The following TAF13 variants were observed in gnomAD, a reference collection of about 807,000 sequenced individuals.
TAF13 encodes transcription initiation factor TFIID subunit 13.
In TAF13, 9 loss-of-function variants were observed where a neutral mutation model predicts 18.7. That is an observed-to-expected ratio of 0.48 (90% confidence interval 0.29 to 0.84). The LOEUF (loss-of-function observed/expected upper bound fraction) is 0.84. Ranked by LOEUF, TAF13 falls within the 40% of genes least tolerant of loss-of-function variation. The pLI, the probability that TAF13 is intolerant of heterozygous loss-of-function variation, is 0.08. For synonymous variants in TAF13, 49 were observed against 44.1 expected, an observed-to-expected ratio of 1.11 and a Z score of -0.44; for missense variants, 105 against 146.5, an observed-to-expected ratio of 0.72 and a Z score of 1.46.
chr1:109,073,975 G>T (rs373906478), intron 2 of TAF13, among the ~76,000 whole-genome samples: 1 of 151,882 alleles, frequency 6.6e-6, no homozygotes, highest in Admixed American at 6.6e-5. Flanking sequence ...GCCTCTGCCC[G>T]GCCACGACCC....
intron 2 of TAF13, among the ~76,000 whole-genome samples, chr1:109,066,905 G>A (rs1663960185): frequency 6.6e-6 from 1 of 151,906 alleles, no homozygotes; most frequent in South Asian, 2.1e-4. Flanking sequence ...ATTTTTAGTA[G>A]AGAAGGGGTT....
chr1:109,067,483 G>A (rs987516635), intron 2 of TAF13, among the ~76,000 whole-genome samples: 1 of 151,586 alleles, frequency 6.6e-6, no homozygotes, highest in Admixed American at 6.6e-5. Context: ...GTTGGCACAT[G>A]CCTATAATCC....
At chr1:109,073,639 T>C (rs751812449) in intron 2 of TAF13, among the ~76,000 whole-genome samples, 6 of 152,202 alleles carry the variant, frequency 3.9e-5, no homozygotes, top group Non-Finnish European at 8.8e-5. Flanking sequence ...GGTGCCGGGA[T>C]TCCAGACGGA....
At chr1:109,070,999 G>A (rs1484842489) in intron 2 of TAF13, among the ~76,000 whole-genome samples, 2 of 152,114 alleles carry the variant, frequency 1.3e-5, no homozygotes, top group South Asian at 2.1e-4. Context: ...AAAGGATTTG[G>A]ATGTTTAAAA....
chr1:109,071,954 G>GAAAAAAAA lies in TAF13; in HGVS notation c.106+3032_106+3033insTTTTTTTT, dbSNP rs1171636503. 1.4e-3 allele frequency among the ~76,000 whole-genome samples: 58 copies of GAAAAAAAA among 40,438 alleles called. 2 individuals are homozygous for GAAAAAAAA. The highest frequency in any genetic ancestry group is 0.025 in the Middle Eastern group (2 of 80). The allele number at this position is 40,438 out of a possible 152,430, so 26.5% of individuals were successfully genotyped here. On this transcript the variant is annotated intron_variant, in intron 2 of 3. Coordinates refer to ENST00000338366, the MANE Select transcript of TAF13 (RefSeq NM_005645.4). ...CAACAGTGAGACTCTGTCTCAAAAA[G>GAAAAAAAA]AAAATATATATATATATATATACAC...
chr1:109,065,950 G>C (rs573684071), intron 3 of TAF13, among the ~76,000 whole-genome samples, 185 bp downstream of exon 3: 1 of 151,826 alleles, frequency 6.6e-6, no homozygotes, highest in African/African-American at 2.4e-5. Flanking sequence ...AAGGAAGAAG[G>C]GGGGATAGAA....
At position 109,066,248 on chromosome 1, in the gene TAF13, C is replaced by G; in HGVS notation, c.107-16G>C. ...ATACATCGCACTGTAAAAGAACAATCACTTACTTTTGTTTACTTTTACAGA... is the reference window on the plus strand; with the variant it reads ...ATACATCGCACTGTAAAAGAACAATGACTTACTTTTGTTTACTTTTACAGA... On this transcript the variant is annotated splice_polypyrimidine_tract_variant and intron_variant, in intron 2 of 3. Coordinates refer to ENST00000338366, the MANE Select transcript of TAF13 (RefSeq NM_005645.4). 7 of 1,560,972 alleles carry G rather than the reference C, an allele frequency of 4.5e-6. No homozygotes were observed. The Middle Eastern group carries it at 1.0e-3, about 227-fold the overall frequency.
chr1:109,074,828 G>A (rs1664154328), intron 2 of TAF13, among the ~76,000 whole-genome samples, 159 bp downstream of exon 2: 1 of 151,778 alleles, frequency 6.6e-6, no homozygotes, highest in African/African-American at 2.4e-5. Flanking sequence ...TTGGGGTTAG[G>A]ATTGGTACTA....
At chr1:109,074,005 G>A (rs1281799351) in intron 2 of TAF13, among the ~76,000 whole-genome samples, 2 of 151,762 alleles carry the variant, frequency 1.3e-5, no homozygotes, top group Non-Finnish European at 2.9e-5. Context: ...ACTGAGGAGC[G>A]CCTCCGCCAG....
chr1:109,074,998 A>T lies in TAF13; in HGVS notation c.95T>A (p.Phe32Tyr), dbSNP rs1664156363. Reference protein sequence around the residue: ...EGGQGKRKRLFSKELRCMMYG... With the variant: ...EGGQGKRKRLYSKELRCMMYG... Reference sequence around the variant, plus strand: ...CAAATACTACTTACATTCTTTAGAAAAAAGTCTCTTTCTTTTACCCTGTCC... The same window carrying T: ...CAAATACTACTTACATTCTTTAGAATAAAGTCTCTTTCTTTTACCCTGTCC... Residue 32 changes from phenylalanine to tyrosine, a missense_variant, in exon 2 of 4, where the codon TTT becomes TAT. Coordinates refer to ENST00000338366, the MANE Select transcript of TAF13 (RefSeq NM_005645.4). 2.5e-6 allele frequency: 4 copies of T among 1,598,498 alleles called. No individual in the cohort carries two copies. The Admixed American group carries it at 5.5e-5, about 22-fold the overall frequency.
chr1:109,066,122 G>A lies in TAF13; in HGVS notation c.204+13C>T, dbSNP rs778884545. On this transcript the variant is annotated intron_variant, in intron 3 of 3. Coordinates refer to ENST00000338366, the MANE Select transcript of TAF13 (RefSeq NM_005645.4). ...TCTTCAATTAACTAAGACCAGTTAG[G>A]AAAGAATCTTACCATTTCAGTGATA... The A allele has an allele frequency of 6.9e-6, 11 of 1,596,700 alleles. No individual in the cohort carries two copies. Among genetic ancestry groups the A allele is most frequent in the South Asian group, 1.1e-5 (1 of 88,842 alleles).
intron 2 of TAF13, 148 bp from the exon 3 acceptor site, chr1:109,066,380 T>A: frequency 1.5e-6 from 1 of 666,368 alleles, no homozygotes; most frequent in Non-Finnish European, 2.5e-6. Flanking sequence ...CAAGTATGGA[T>A]TCTTGTGTAA....
intron 2 of TAF13, among the ~76,000 whole-genome samples, chr1:109,074,166 T>G (rs532269036): frequency 3.5e-4 from 54 of 152,302 alleles, no homozygotes; most frequent in East Asian, 1.9e-3. Context: ...GAAAGAGAGA[T>G]CAGATTGTTA....
chr1:109,070,434 G>T (rs1664028965), intron 2 of TAF13, among the ~76,000 whole-genome samples: 1 of 152,144 alleles, frequency 6.6e-6, no homozygotes. Flanking sequence ...GGCCAGGCTG[G>T]TCTGGATCTG....
At chr1:109,066,788 C>T (rs907938342) in intron 2 of TAF13, among the ~76,000 whole-genome samples, 2 of 152,136 alleles carry the variant, frequency 1.3e-5, no homozygotes, top group African/African-American at 4.8e-5. Context: ...ACCATCTTGG[C>T]TCACTGCAAG....
At chr1:109,066,023 C>G in intron 3 of TAF13, 112 bp downstream of exon 3, 1 of 841,844 alleles carries the variant, frequency 1.2e-6, no homozygotes, top group Non-Finnish European at 1.9e-6. Flanking sequence ...CAAACAAGCA[C>G]TCAAATGGAT....
In TAF13 at chr1:109,069,322, T is replaced by C. The variant is rs115615884; in HGVS notation, c.107-3090A>G. On this transcript the variant is annotated intron_variant, in intron 2 of 3. Coordinates refer to ENST00000338366, the MANE Select transcript of TAF13 (RefSeq NM_005645.4). ...AGATGCTCAAATCCCAGATATAAAA[T>C]GGCATAGTATTTGCATATAAGCTAA... 1.6e-3 allele frequency among the ~76,000 whole-genome samples: 248 copies of C among 152,294 alleles called. 2 individuals are homozygous for C. The highest frequency in any genetic ancestry group is 5.5e-3 in the African/African-American group (230 of 41,568).
At chr1:109,072,511 C>G (rs1288265580) in intron 2 of TAF13, among the ~76,000 whole-genome samples, 1 of 152,140 alleles carries the variant, frequency 6.6e-6, no homozygotes, top group Non-Finnish European at 1.5e-5. Context: ...GTGGTGCAAT[C>G]TGGGCTCACT....
chr1:109,066,553 C>G (rs900539254), intron 2 of TAF13, among the ~76,000 whole-genome samples: 1 of 152,178 alleles, frequency 6.6e-6, no homozygotes, highest in Admixed American at 6.5e-5. Context: ...GTAGGAAACT[C>G]TGGCAAAGGA....
Sources: gnomAD v4.1 joint callset for allele counts (sites outside exome capture counted in the v4.1 genomes callset) on GRCh38, gnomAD v4.1.1 for gene constraint, MANE v1.5 for transcripts, NCBI Gene and HGNC (gene_info 2026-07-23, HGNC 2026-07-21) for gene names.